Variants in JAKMIP2 observed in about 807,000 individuals in gnomAD.
JAKMIP2 encodes the protein janus kinase and microtubule interacting protein 2, also known as janus kinase and microtubule-interacting protein 2.
Under a neutral mutation model 115.0 loss-of-function variants are expected in JAKMIP2, and 25 were observed. The observed-to-expected ratio is 0.22, with a 90% CI of 0.16 to 0.30. The LOEUF (loss-of-function observed/expected upper bound fraction) is 0.30. JAKMIP2 is among the 10% of genes least tolerant of loss of function. The pLI is 1.00. For synonymous variants in JAKMIP2, 334 were observed against 343.6 expected, an observed-to-expected ratio of 0.97 and a Z score of 0.31; for missense variants, 642 against 957.6, an observed-to-expected ratio of 0.67 and a Z score of 4.35.
At chr5:147,770,484 C>T (rs1429530959) in intron 1 of JAKMIP2, among the ~76,000 whole-genome samples, 2 of 152,056 alleles carry the variant, frequency 1.3e-5, no homozygotes, top group African/African-American at 4.8e-5. Flanking sequence ...AGTCTCTCAT[C>T]CAAACCTATT....
intron 1 of JAKMIP2, among the ~76,000 whole-genome samples, chr5:147,750,339 T>C (rs538910910): frequency 7.2e-5 from 11 of 152,142 alleles, no homozygotes; most frequent in Non-Finnish European, 1.5e-4. Context: ...ATGACGCCTT[T>C]GTGTTGTTAA....
At chr5:147,609,072 T>C (rs758185720) in intron 20 of JAKMIP2, among the ~76,000 whole-genome samples, 1 of 152,160 alleles carries the variant, frequency 6.6e-6, no homozygotes, top group African/African-American at 2.4e-5. Flanking sequence ...TGTGTGTCTT[T>C]GCACATGAGA....
At chr5:147,713,709 T>C (rs934367924) in intron 1 of JAKMIP2, among the ~76,000 whole-genome samples, 2 of 152,168 alleles carry the variant, frequency 1.3e-5, no homozygotes, top group African/African-American at 2.4e-5. Flanking sequence ...TCAGGGACTT[T>C]TGCTCTGGTG....
intron 20 of JAKMIP2, among the ~76,000 whole-genome samples, chr5:147,607,037 T>C (rs1287828659): frequency 6.6e-6 from 1 of 152,240 alleles, no homozygotes; most frequent in Non-Finnish European, 1.5e-5. Context: ...TCTTGAGAGT[T>C]TGCTGAAGTT....
intron 12 of JAKMIP2, among the ~76,000 whole-genome samples, chr5:147,635,799 G>C (rs1757584446): frequency 6.6e-6 from 1 of 152,128 alleles, no homozygotes; most frequent in African/African-American, 2.4e-5. Flanking sequence ...GACCTCAGGT[G>C]ATCCACCCAC....
intron 1 of JAKMIP2, among the ~76,000 whole-genome samples, chr5:147,756,137 T>C (rs1726100890): frequency 6.6e-6 from 1 of 152,220 alleles, no homozygotes; most frequent in African/African-American, 2.4e-5. Flanking sequence ...AGTTTGACTA[T>C]AATGAATTAA....
In JAKMIP2 at chr5:147,653,468, T is replaced by TTA. The variant is rs1758512569; in HGVS notation, c.628-2922_628-2921insTA. On this transcript the variant is annotated intron_variant, in intron 3 of 21. Coordinates refer to ENST00000616793, the MANE Select transcript of JAKMIP2 (RefSeq NM_001270941.2). Reference sequence around the variant, plus strand: ...GCATTTCTCAAATAATCAGAGATGATGAGCTTTTTTTTTTCATGTTTGTTG... The same window carrying TTA: ...GCATTTCTCAAATAATCAGAGATGATTAGAGCTTTTTTTTTTCATGTTTGTTG... 2.6e-5 allele frequency among the ~76,000 whole-genome samples: 4 copies of TTA among 151,940 alleles called. 1 individual carries two copies. The highest frequency in any genetic ancestry group is 7.3e-5 in the African/African-American group (3 of 41,200).
At chr5:147,676,007 C>G (rs1446242050) in intron 1 of JAKMIP2, among the ~76,000 whole-genome samples, 1 of 152,084 alleles carries the variant, frequency 6.6e-6, no homozygotes, top group Non-Finnish European at 1.5e-5. Flanking sequence ...AGCTGCCAGC[C>G]ATCACAAGGG....
intron 1 of JAKMIP2, among the ~76,000 whole-genome samples, chr5:147,774,480 C>T (rs1250613412): frequency 6.6e-6 from 1 of 152,058 alleles, no homozygotes; most frequent in Non-Finnish European, 1.5e-5. Flanking sequence ...CTGTTTTGCT[C>T]TTCATTTAAT....
At chr5:147,642,156 C>T (rs542145348) in intron 7 of JAKMIP2, among the ~76,000 whole-genome samples, 39 of 152,178 alleles carry the variant, frequency 2.6e-4, no homozygotes, top group South Asian at 2.5e-3. Context: ...AAAGTAAAAC[C>T]GTATTCTTTT....
intron 21 of JAKMIP2, among the ~76,000 whole-genome samples, chr5:147,599,580 C>A (rs1561839123): frequency 1.3e-5 from 2 of 152,180 alleles, no homozygotes; most frequent in African/African-American, 4.8e-5. Flanking sequence ...TCTTGTACAT[C>A]CCTCAAGGAG....
chr5:147,592,087 C>A (rs1444678004), intron 21 of JAKMIP2, among the ~76,000 whole-genome samples: 1 of 152,060 alleles, frequency 6.6e-6, no homozygotes, highest in Admixed American at 6.6e-5. Flanking sequence ...GGTAAATGTG[C>A]AGGTTGGTTA....
intron 1 of JAKMIP2, among the ~76,000 whole-genome samples, chr5:147,732,544 A>G (rs1022932321): frequency 1.3e-5 from 2 of 152,186 alleles, no homozygotes; most frequent in African/African-American, 2.4e-5. Flanking sequence ...GTCTGCCTCA[A>G]TGGTGGATAT....
At chr5:147,633,141 C>T (rs1240509037) in intron 12 of JAKMIP2, among the ~76,000 whole-genome samples, 3 of 152,150 alleles carry the variant, frequency 2.0e-5, no homozygotes, top group South Asian at 2.1e-4. Context: ...TCTCATTTCT[C>T]GAGTTATATT....
intron 1 of JAKMIP2, among the ~76,000 whole-genome samples, chr5:147,719,449 G>C (rs1753167748): frequency 6.8e-6 from 1 of 146,150 alleles, no homozygotes; most frequent in Non-Finnish European, 1.5e-5. Flanking sequence ...ACAGTGGGGT[G>C]TTAAAGTCTC....
At chr5:147,597,013 T>G (rs1581259872) in intron 21 of JAKMIP2, among the ~76,000 whole-genome samples, 1 of 151,074 alleles carries the variant, frequency 6.6e-6, no homozygotes, top group Admixed American at 6.6e-5. Flanking sequence ...GCTGGGATTA[T>G]AGGCACGGAC....
rs866781487 is a variant in JAKMIP2 at position 147,782,657 on chromosome 5, C to T, written c.-350G>A. ...ACTAGAGTATCAGCAATAGAGGCGGCGGCGGCGGCAGCAGCAGCAGCAGCA... is the reference window on the plus strand; with the variant it reads ...ACTAGAGTATCAGCAATAGAGGCGGTGGCGGCGGCAGCAGCAGCAGCAGCA... On this transcript the variant is annotated 5_prime_UTR_variant, in exon 1 of 22. Coordinates refer to ENST00000616793, the MANE Select transcript of JAKMIP2 (RefSeq NM_001270941.2). 37 of 672,552 alleles carry T rather than the reference C, an allele frequency of 5.5e-5. No individual in the cohort carries two copies. Among genetic ancestry groups the T allele is most frequent in the African/African-American group, 2.8e-4 (15 of 54,266 alleles). The allele number at this position is 672,552 out of a possible 1,614,324, so 41.7% of individuals were successfully genotyped here.
At chr5:147,655,414 C>T (rs189160142) in intron 3 of JAKMIP2, among the ~76,000 whole-genome samples, 15 of 152,250 alleles carry the variant, frequency 9.9e-5, no homozygotes, top group Admixed American at 3.3e-4. Context: ...TGACTTCTTC[C>T]TGGTTTAGTC....
Position 147,628,834 on chromosome 5 carries a change from GGCCGTCA to G in JAKMIP2, c.1930-25_1930-19del, listed in dbSNP as rs1178820264. ...CTTAAATTCTGTAAAAAATAAGAAA[GGCCGTCA>G]GCTGAACATACTGACATTATTTACC... On this transcript the variant is annotated intron_variant, in intron 15 of 21. Coordinates refer to ENST00000616793, the MANE Select transcript of JAKMIP2 (RefSeq NM_001270941.2). 1 of 1,597,842 alleles carries G rather than the reference GGCCGTCA, an allele frequency of 6.3e-7. No individual in the cohort carries two copies. The highest frequency in any genetic ancestry group is 1.7e-5 in the Admixed American group (1 of 59,888).
Sources: allele counts gnomAD v4.1 joint callset (sites outside exome capture counted in the v4.1 genomes callset), GRCh38; gene constraint gnomAD v4.1.1; transcripts MANE v1.5; gene names NCBI Gene and HGNC (gene_info 2026-07-23, HGNC 2026-07-21).